The following BTRC variants were observed in gnomAD, a reference collection of about 807,000 sequenced individuals.
BTRC encodes the protein F-box/WD repeat-containing protein 1A.
BTRC carries 42 observed loss-of-function variants against 85.5 expected under a neutral mutation model. That is an observed-to-expected ratio of 0.49 (90% CI 0.38 to 0.64). The LOEUF (loss-of-function observed/expected upper bound fraction) is 0.64. Ranked by LOEUF, BTRC falls within the 30% of genes least tolerant of loss-of-function variation. The pLI is 0.00. For missense variants in BTRC, 594 were observed against 743.5 expected, an observed-to-expected ratio of 0.80 and a Z score of 2.34; for synonymous variants, 255 against 263.3, an observed-to-expected ratio of 0.97 and a Z score of 0.30.
At chr10:101,401,247 A>G (rs1241849735) in intron 1 of BTRC, among the ~76,000 whole-genome samples, 1 of 152,240 alleles carries the variant, frequency 6.6e-6, no homozygotes, top group Non-Finnish European at 1.5e-5. Flanking sequence ...AATCAGAGGT[A>G]AATTGCAGTT....
At position 101,357,774 on chromosome 10, in the gene BTRC, A is replaced by G. The variant is rs57966785; in HGVS notation, c.48+3546A>G. 5.3e-3 allele frequency among the ~76,000 whole-genome samples: 810 copies of G among 152,360 alleles called. 6 individuals are homozygous for G. The highest frequency in any genetic ancestry group is 0.018 in the African/African-American group (733 of 41,584). ...TAAGACTGCTGATTCAGAGATGACC[A>G]TAATTCACACGTGATCGAGACTTAA... On this transcript the variant is annotated intron_variant, in intron 1 of 14. Coordinates refer to ENST00000370187, the MANE Select transcript of BTRC (RefSeq NM_033637.4).
Position 101,536,561 on chromosome 10 carries a change from T to C in BTRC, c.1485T>C (p.Cys495=). ...CTTCCAGATTATGGGACATAGAATG[T>C]GGTGCATGTTTACGAGTGTTAGAAG... The part of the protein sequence containing the change: ...DNTIRLWDIE[C]GACLRVLEGH... Residue 495 remains cysteine, a synonymous_variant, in exon 12 of 15, where the codon TGT becomes TGC. Coordinates refer to ENST00000370187, the MANE Select transcript of BTRC (RefSeq NM_033637.4). 1.2e-6 allele frequency: 2 copies of C among 1,613,164 alleles called. No individual in the cohort carries two copies. The highest frequency in any genetic ancestry group is 1.7e-6 in the Non-Finnish European group (2 of 1,179,150).
intron 12 of BTRC, among the ~76,000 whole-genome samples, chr10:101,537,505 G>A (rs906987404): frequency 6.6e-6 from 1 of 152,170 alleles, no homozygotes; most frequent in African/African-American, 2.4e-5. Flanking sequence ...TCCAGCCTGG[G>A]CAACAGAGCG....
intron 1 of BTRC, among the ~76,000 whole-genome samples, chr10:101,426,757 T>A (rs1234243956): frequency 1.3e-5 from 2 of 152,188 alleles, no homozygotes; most frequent in African/African-American, 4.8e-5. Context: ...TATTTTAATT[T>A]TAAAAAGAGC....
chr10:101,465,298 A>G (rs1945344422), intron 3 of BTRC, among the ~76,000 whole-genome samples: 1 of 152,214 alleles, frequency 6.6e-6, no homozygotes, highest in Non-Finnish European at 1.5e-5. Flanking sequence ...GCAATTTAAC[A>G]TTGTTTTTAA....
At chr10:101,367,678 G>A (rs1942508942) in intron 1 of BTRC, among the ~76,000 whole-genome samples, 1 of 152,114 alleles carries the variant, frequency 6.6e-6, no homozygotes, top group Admixed American at 6.5e-5. Context: ...TGGTATGTAA[G>A]CTCATCTAAA....
chr10:101,452,621 A>G (rs1192908293), intron 2 of BTRC, among the ~76,000 whole-genome samples: 1 of 152,114 alleles, frequency 6.6e-6, no homozygotes, highest in African/African-American at 2.4e-5. Context: ...TGTCACAGGG[A>G]GTAAGGCAGT....
chr10:101,479,518 G>T, intron 4 of BTRC, 61 bp downstream of exon 4: 14 of 1,327,372 alleles, frequency 1.1e-5, no homozygotes, highest in Non-Finnish European at 1.5e-5. Flanking sequence ...ATATCTGTAG[G>T]CATCTTTACT....
intron 13 of BTRC, 30 bp downstream of exon 13, chr10:101,538,401 G>A: frequency 6.4e-7 from 1 of 1,564,516 alleles, no homozygotes; most frequent in Non-Finnish European, 8.8e-7. Context: ...GAGAGCATTG[G>A]AGAGCAGGTG....
At position 101,534,741 on chromosome 10, in the gene BTRC, A is replaced by C. The variant is rs772761421; in HGVS notation, c.1178A>C (p.Asn393Thr). ...CEAVLHLRFN[N>T]GMMVTCSKDR... ...GCAGTTCTGCACTTGCGTTTCAATA[A>C]TGGCATGATGGTGACCTGCTCCAAA... is the stretch of plus-strand genomic sequence containing the variant. Residue 393 changes from asparagine to threonine, a missense_variant, in exon 10 of 15, where the codon AAT (asparagine) becomes ACT (threonine). Coordinates refer to ENST00000370187, the MANE Select transcript of BTRC (RefSeq NM_033637.4). The C allele has an allele frequency of 3.1e-6, 5 of 1,614,082 alleles. No individual in the cohort carries two copies. In the South Asian group the frequency reaches 5.5e-5, roughly 18 times the overall value.
chr10:101,446,179 A>G (rs1391233019), intron 2 of BTRC, among the ~76,000 whole-genome samples: 1 of 138,368 alleles, frequency 7.2e-6, no homozygotes, highest in Non-Finnish European at 1.5e-5. Flanking sequence ...TAAGCCATCC[A>G]TGTACTAGTA....
At chr10:101,432,195 T>C (rs957347219) in intron 2 of BTRC, among the ~76,000 whole-genome samples, 4 of 151,708 alleles carry the variant, frequency 2.6e-5, no homozygotes, top group Admixed American at 6.6e-5. Context: ...TGGCACAATC[T>C]CGACTCACAG....
intron 1 of BTRC, among the ~76,000 whole-genome samples, chr10:101,386,167 T>TA (rs1943074218): frequency 6.6e-6 from 1 of 152,212 alleles, no homozygotes; most frequent in African/African-American, 2.4e-5. Flanking sequence ...CAGATACACT[T>TA]AAATCCTTTG....
chr10:101,402,697 T>C (rs1333963324), intron 1 of BTRC, among the ~76,000 whole-genome samples: 2 of 152,206 alleles, frequency 1.3e-5, no homozygotes, highest in Non-Finnish European at 2.9e-5. Flanking sequence ...AGGTGAAGTG[T>C]ATAGAAATTA....
chr10:101,472,875 A>C (rs1035750717), intron 3 of BTRC, among the ~76,000 whole-genome samples: 2 of 151,982 alleles, frequency 1.3e-5, no homozygotes, highest in South Asian at 4.2e-4. Context: ...GCTCCGTTCA[A>C]GGTTTTATCT....
chr10:101,552,490 G>A (rs1242062947), intron 14 of BTRC, among the ~76,000 whole-genome samples: 1 of 151,412 alleles, frequency 6.6e-6, no homozygotes, highest in Non-Finnish European at 1.5e-5. Context: ...CACCGCACCC[G>A]GCCTGTCTCT....
At chr10:101,520,135 T>TTTTG (rs111689841) in intron 4 of BTRC, among the ~76,000 whole-genome samples, 55,907 of 151,044 alleles carry the variant, frequency 0.37, 11,414 homozygotes, top group Middle Eastern at 0.48. Context: ...TTTGCTTGTA[T>TTTTG]TTTGTTTGTT....
chr10:101,399,203 C>T (rs1209826585), intron 1 of BTRC, among the ~76,000 whole-genome samples: 1 of 152,162 alleles, frequency 6.6e-6, no homozygotes, highest in Non-Finnish European at 1.5e-5. Context: ...GATCCACCCA[C>T]CTCGGCCTCC....
chr10:101,366,929 T>TATATATATTTATATATATTA lies in BTRC; in HGVS notation c.48+12720_48+12721insAATATATATTTATATATATT, dbSNP rs1942438888. Reference sequence around the variant, plus strand: ...ATATTAATATATATTTATATATATTTATATATATTTATATATATTTATATA... The same window carrying TATATATATTTATATATATTA: ...ATATTAATATATATTTATATATATTTATATATATTTATATATATTAATATATATTTATATATATTTATATA... On this transcript the variant is annotated intron_variant, in intron 1 of 14. Transcript: ENST00000370187. 2.1e-4 allele frequency among the ~76,000 whole-genome samples: 4 copies of TATATATATTTATATATATTA among 19,314 alleles called. 1 individual carries two copies. Among genetic ancestry groups the TATATATATTTATATATATTA allele is most frequent in the African/African-American group, 1.0e-3 (4 of 3,958 alleles). The allele number at this position is 19,314 out of a possible 152,430, so 12.7% of individuals were successfully genotyped here.
Sources: gnomAD v4.1 joint callset for allele counts (sites outside exome capture counted in the v4.1 genomes callset) on GRCh38, gnomAD v4.1.1 for gene constraint, MANE v1.5 for transcripts, NCBI Gene and HGNC (gene_info 2026-07-23, HGNC 2026-07-21) for gene names.